The following VPS13B variants were observed in gnomAD, a reference collection of about 807,000 sequenced individuals.
VPS13B encodes the protein intermembrane lipid transfer protein VPS13B.
Under a neutral mutation model 426.4 loss-of-function variants are expected in VPS13B, and 285 were observed. The observed-to-expected ratio is 0.67, with a 90% CI of 0.61 to 0.74. VPS13B has a LOEUF of 0.74. Ranked by LOEUF, VPS13B falls within the 30% of genes least tolerant of loss-of-function variation. The pLI is 0.00. For missense variants in VPS13B, 4,537 were observed against 4,782.6 expected (o/e 0.95, Z 1.51); for synonymous variants, 1,676 against 1,676.4 (o/e 1.00, Z 0.01).
intron 17 of VPS13B, among the ~76,000 whole-genome samples, chr8:99,216,981 A>T (rs1332714938): frequency 6.6e-6 from 1 of 152,158 alleles, no homozygotes; most frequent in African/African-American, 2.4e-5. Context: ...TCAAGAAGAA[A>T]GTATCTAAAA....
intron 19 of VPS13B, among the ~76,000 whole-genome samples, chr8:99,338,078 A>T (rs1033466381): frequency 6.6e-6 from 1 of 152,154 alleles, no homozygotes; most frequent in Non-Finnish European, 1.5e-5. Flanking sequence ...CATGCCAGTT[A>T]CCATGGTCTT....
At chr8:99,361,625 C>T (rs1442030969) in intron 19 of VPS13B, among the ~76,000 whole-genome samples, 1 of 152,142 alleles carries the variant, frequency 6.6e-6, no homozygotes, top group Non-Finnish European at 1.5e-5. Context: ...CACTGTCTCT[C>T]CTTGCGCACA....
intron 17 of VPS13B, among the ~76,000 whole-genome samples, chr8:99,196,278 TTATA>T (rs1291136527): frequency 6.6e-6 from 1 of 152,094 alleles, no homozygotes; most frequent in African/African-American, 2.4e-5. Context: ...TTGGTTAACT[TTATA>T]TCCACATATT....
rs1817724539 is a variant in VPS13B, at chr8:99,876,889, C to T, written c.*1223C>T. The stretch of plus-strand genomic sequence containing the variant: ...TTTTGGAGAGAGGGTCTCATTCTGT[C>T]ACCCAGGCTAGAGTACAGTGGGAAC... On this transcript the variant is annotated 3_prime_UTR_variant, in exon 62 of 62. Coordinates refer to ENST00000357162, the MANE Select transcript of VPS13B (RefSeq NM_152564.5). 6.6e-6 allele frequency: 1 copy of T among 152,130 alleles called. No individual in the cohort carries two copies. The allele number at this position is 152,130 out of a possible 1,614,324, so 9.4% of individuals were successfully genotyped here.
At chr8:99,744,065 C>G (rs1809928051) in intron 39 of VPS13B, among the ~76,000 whole-genome samples, 1 of 152,106 alleles carries the variant, frequency 6.6e-6, no homozygotes, top group Admixed American at 6.5e-5. Flanking sequence ...ACAATTTTTG[C>G]AATCTACTCA....
chr8:99,413,786 GTCTGA>G (rs1379612414), intron 21 of VPS13B, among the ~76,000 whole-genome samples: 2 of 152,142 alleles, frequency 1.3e-5, no homozygotes, highest in African/African-American at 4.8e-5. Context: ...TTGCACTGTG[GTCTGA>G]GAGACTGTTA....
At chr8:99,476,573 C>A (rs1819700851) in intron 24 of VPS13B, among the ~76,000 whole-genome samples, 1 of 151,940 alleles carries the variant, frequency 6.6e-6, no homozygotes, top group Non-Finnish European at 1.5e-5. Flanking sequence ...GAATATATCA[C>A]AAGAAAATAC....
chr8:99,685,341 G>A (rs1244469364), intron 35 of VPS13B, among the ~76,000 whole-genome samples: 1 of 152,220 alleles, frequency 6.6e-6, no homozygotes, highest in Non-Finnish European at 1.5e-5. Flanking sequence ...GTCTAGGTGA[G>A]TTCAGCTGGT....
intron 19 of VPS13B, among the ~76,000 whole-genome samples, chr8:99,383,985 T>C (rs935616048): frequency 6.6e-5 from 10 of 152,320 alleles, no homozygotes; most frequent in Non-Finnish European, 1.2e-4. Context: ...AAAAGACATA[T>C]AGTTGCAGTA....
At chr8:99,772,344 T>A (rs1178165310) in intron 40 of VPS13B, among the ~76,000 whole-genome samples, 1 of 152,054 alleles carries the variant, frequency 6.6e-6, no homozygotes, top group African/African-American at 2.4e-5. Context: ...TTTAATAACA[T>A]AAAATAAAAT....
At chr8:99,548,149 A>G (rs1403896852) in intron 30 of VPS13B, among the ~76,000 whole-genome samples, 1 of 152,122 alleles carries the variant, frequency 6.6e-6, no homozygotes, top group Non-Finnish European at 1.5e-5. Flanking sequence ...TTAGTAAAGT[A>G]TCATTCTATT....
chr8:99,060,325 TG>T (rs1346980845), intron 3 of VPS13B, among the ~76,000 whole-genome samples: 7 of 152,194 alleles, frequency 4.6e-5, no homozygotes, highest in African/African-American at 1.7e-4. Context: ...ATACATAAAT[TG>T]GGCTAGGCGT....
chr8:99,392,257 T>G (rs564572513), intron 21 of VPS13B, among the ~76,000 whole-genome samples: 1 of 152,202 alleles, frequency 6.6e-6, no homozygotes, highest in Non-Finnish European at 1.5e-5. Flanking sequence ...CTGCTAGATC[T>G]TCTATGTAAA....
At chr8:99,819,842 T>A in intron 48 of VPS13B, 79 bp from the exon 49 acceptor site, 1 of 1,549,648 alleles carries the variant, frequency 6.5e-7, no homozygotes, top group African/African-American at 1.4e-5. Context: ...CATGGTGTGT[T>A]TGGAATCTTT....
intron 20 of VPS13B, 142 bp downstream of exon 20, chr8:99,384,459 A>T: frequency 2.9e-6 from 2 of 691,896 alleles, no homozygotes; most frequent in South Asian, 3.6e-5. Context: ...CTTTCAAACA[A>T]TTCCGTTCCC....
intron 17 of VPS13B, chr8:99,233,648 G>A (rs1263727406): frequency 3.2e-6 from 3 of 941,294 alleles, no homozygotes; most frequent in Non-Finnish European, 5.3e-6. Context: ...ACTGGCATAG[G>A]CCTCCACTGT....
In VPS13B at chr8:99,367,247, T is replaced by G. The variant is rs559500278; in HGVS notation, c.2825-16961T>G. ...GTAAGTCTTTATTTCTCCTTCATGT[T>G]TGAATGATATTTTCACAGGATATAC... On this transcript the variant is annotated intron_variant, in intron 19 of 61. Transcript: ENST00000357162. Among the ~76,000 whole-genome samples the G allele has an allele frequency of 5.9e-5, 9 of 152,330 alleles. No homozygotes were observed. The East Asian group carries it at 1.5e-3, about 26-fold the overall frequency.
intron 17 of VPS13B, among the ~76,000 whole-genome samples, chr8:99,210,047 T>C (rs890284577): frequency 4.6e-5 from 7 of 152,200 alleles, no homozygotes; most frequent in African/African-American, 1.2e-4. Context: ...TCTTTGATGA[T>C]AGTTTAAATA....
chr8:99,779,962 G>C (rs994460732), intron 42 of VPS13B, among the ~76,000 whole-genome samples: 3 of 152,116 alleles, frequency 2.0e-5, no homozygotes, highest in Admixed American at 1.3e-4. Context: ...AGGAGCTTTT[G>C]TTCTCTAACT....
Sources: allele counts gnomAD v4.1 joint callset (sites outside exome capture counted in the v4.1 genomes callset), GRCh38; gene constraint gnomAD v4.1.1; transcripts MANE v1.5; gene names NCBI Gene and HGNC (gene_info 2026-07-23, HGNC 2026-07-21).